The following CENPQ variants were observed in gnomAD, a reference collection of about 807,000 sequenced individuals.
The protein encoded by CENPQ is chromosome 6 open reading frame 139.
In CENPQ, 27 loss-of-function variants were observed where a neutral mutation model predicts 36.6. The ratio of observed to expected loss-of-function variants is 0.74; its 90% CI spans 0.54 to 1.02. The LOEUF (loss-of-function observed/expected upper bound fraction) is 1.02, where lower values mean the gene tolerates loss of function less well. Among genes scored for constraint, CENPQ ranks in the 50% least tolerant of loss-of-function variants. The pLI, the probability that CENPQ is intolerant of heterozygous loss-of-function variation, is 0.00. For missense variants in CENPQ, 306 were observed against 301.8 expected (o/e 1.01, Z -0.10); for synonymous variants, 101 against 101.7 (o/e 0.99, Z 0.04).
intron 1 of CENPQ, among the ~76,000 whole-genome samples, chr6:49,465,129 A>G (rs1231675510): frequency 1.3e-5 from 2 of 152,234 alleles, no homozygotes; most frequent in South Asian, 2.1e-4. Context: ...AGACATGAAA[A>G]CAGCATTAAT....
chr6:49,477,534 T>C (rs1336190127), intron 5 of CENPQ, among the ~76,000 whole-genome samples: 1 of 151,524 alleles, frequency 6.6e-6, no homozygotes. Flanking sequence ...CCTGCACAGT[T>C]GTGCACATGT....
intron 8 of CENPQ, among the ~76,000 whole-genome samples, chr6:49,490,099 T>C (rs558401465): frequency 6.6e-6 from 1 of 152,348 alleles, no homozygotes; most frequent in Admixed American, 6.5e-5. Flanking sequence ...AAGCCAGGCA[T>C]TGCCTTCTCT....
At position 49,488,645 on chromosome 6, in the gene CENPQ, G is replaced by A. The variant is rs542704670; in HGVS notation, c.636G>A (p.Pro212=). 5.6e-5 allele frequency: 91 copies of A among 1,613,458 alleles called. No homozygotes were observed. In the East Asian group the frequency reaches 1.5e-3, roughly 27 times the overall value. The change falls in exon 8 of 9, where the codon CCG becomes CCA. Residue 212 remains proline (P), a synonymous_variant. Coordinates refer to ENST00000335783, the MANE Select transcript of CENPQ (RefSeq NM_018132.4). Reference sequence around the variant, plus strand: ...ATAGTAGTGGAGTACTCTCTCTTCCGGAACTTTCTCAGAAAACTCTCAAAG... The same window carrying A: ...ATAGTAGTGGAGTACTCTCTCTTCCAGAACTTTCTCAGAAAACTCTCAAAG... ...QINSSGVLSL[P]ELSQKTLKAP...
At chr6:49,473,588 G>A (rs556048405) in intron 5 of CENPQ, among the ~76,000 whole-genome samples, 3 of 152,214 alleles carry the variant, frequency 2.0e-5, no homozygotes, top group Non-Finnish European at 2.9e-5. Context: ...AAAGACCATC[G>A]ATGCTAGGAA....
chr6:49,478,274 C>A (rs572885411), intron 5 of CENPQ, among the ~76,000 whole-genome samples: 1 of 152,216 alleles, frequency 6.6e-6, no homozygotes, highest in Non-Finnish European at 1.5e-5. Context: ...ATAAAAGTAA[C>A]CTATGGTGAA....
intron 6 of CENPQ, among the ~76,000 whole-genome samples, chr6:49,482,115 G>A (rs564519443): frequency 1.1e-4 from 17 of 152,256 alleles, no homozygotes; most frequent in African/African-American, 3.4e-4. Flanking sequence ...CAGCTGCTCC[G>A]AGTGTGGGGC....
intron 3 of CENPQ, among the ~76,000 whole-genome samples, chr6:49,471,281 G>T (rs573454911): frequency 1.3e-5 from 2 of 152,180 alleles, no homozygotes; most frequent in Non-Finnish European, 2.9e-5. Context: ...ACTCAAAGTG[G>T]CCCACAGCCT....
At chr6:49,481,994 C>G (rs1017342088) in intron 6 of CENPQ, among the ~76,000 whole-genome samples, 15 of 152,294 alleles carry the variant, frequency 9.8e-5, no homozygotes, top group South Asian at 2.1e-4. Flanking sequence ...GGCCCGGCGA[C>G]AAATTGAGCG....
chr6:49,480,498 C>G (rs756024347), intron 5 of CENPQ, among the ~76,000 whole-genome samples: 8 of 152,096 alleles, frequency 5.3e-5, no homozygotes, highest in Non-Finnish European at 1.0e-4. Context: ...TAATGTAAAT[C>G]TTCTCTATTT....
At position 49,473,351 on chromosome 6, in the gene CENPQ, C is replaced by G. The variant is rs554914673; in HGVS notation, c.347+493C>G. Among the ~76,000 whole-genome samples the G allele has an allele frequency of 4.6e-5, 7 of 152,230 alleles. No homozygotes were observed. In the South Asian group the frequency reaches 1.5e-3, roughly 32 times the overall value. On this transcript the variant is annotated intron_variant, in intron 5 of 8. Coordinates refer to ENST00000335783, the MANE Select transcript of CENPQ (RefSeq NM_018132.4). ...TCTCAGGAGTTCTTAAAAGGCACAC[C>G]ACTGCCTGTGATTTTCAATAATTAC...
At chr6:49,468,328 C>A (rs879746093) in intron 1 of CENPQ, among the ~76,000 whole-genome samples, 1 of 151,964 alleles carries the variant, frequency 6.6e-6, no homozygotes, top group Non-Finnish European at 1.5e-5. Context: ...CTCAGTGGCT[C>A]ACGCCTGTAA....
rs1377097804 is a variant in CENPQ, at chr6:49,488,597, T to G, written c.598-10T>G. 1.9e-6 allele frequency: 3 copies of G among 1,610,798 alleles called. No homozygotes were observed. The highest frequency in any genetic ancestry group is 1.7e-6 in the Non-Finnish European group (2 of 1,177,444). On this transcript the variant is annotated splice_polypyrimidine_tract_variant and intron_variant, in intron 7 of 8. Transcript: ENST00000335783. Reference sequence around the variant, plus strand: ...TTTTTGAAATAATCTGTAGCTTTCTTCTACTTTAGATGCATCAAATAAATA... The same window carrying G: ...TTTTTGAAATAATCTGTAGCTTTCTGCTACTTTAGATGCATCAAATAAATA...
At chr6:49,466,713 A>G (rs998552276) in intron 1 of CENPQ, among the ~76,000 whole-genome samples, 8 of 152,236 alleles carry the variant, frequency 5.3e-5, no homozygotes, top group African/African-American at 1.9e-4. Flanking sequence ...GATTCTTACT[A>G]TGTCTCAAAT....
chr6:49,482,867 C>T (rs868612571), intron 6 of CENPQ, among the ~76,000 whole-genome samples: 11 of 152,152 alleles, frequency 7.2e-5, no homozygotes, highest in Middle Eastern at 3.4e-3. Flanking sequence ...TTCGTGGTCT[C>T]GCTGGCTCAG....
Position 49,492,132 on chromosome 6 carries a change from T to C in CENPQ, c.676-12T>C, listed in dbSNP as rs368142907. The C allele has an allele frequency of 4.0e-5, 63 of 1,590,950 alleles. No individual in the cohort carries two copies. The highest frequency in any genetic ancestry group is 5.4e-5 in the Non-Finnish European group (63 of 1,170,194). ...ATGTTAACAACTACATTTAATACTATCTTTCCCACAGAAAGAAATTTTGGC... is the reference window on the plus strand; with the variant it reads ...ATGTTAACAACTACATTTAATACTACCTTTCCCACAGAAAGAAATTTTGGC... On this transcript the variant is annotated splice_polypyrimidine_tract_variant and intron_variant, in intron 8 of 8. Transcript: ENST00000335783.
At chr6:49,491,723 C>T (rs1768725825) in intron 8 of CENPQ, among the ~76,000 whole-genome samples, 1 of 152,136 alleles carries the variant, frequency 6.6e-6, no homozygotes, top group African/African-American at 2.4e-5. Flanking sequence ...CGAGAACAGC[C>T]TGACCAACAT....
At chr6:49,476,402 T>C (rs13201041) in intron 5 of CENPQ, among the ~76,000 whole-genome samples, 27 of 152,202 alleles carry the variant, frequency 1.8e-4, no homozygotes, top group African/African-American at 6.3e-4. Flanking sequence ...CCCTTCCTTA[T>C]ACCTTATACA....
rs1166856973 is a variant in CENPQ at position 49,471,467 on chromosome 6, C to A, written c.157+439C>A. Among the ~76,000 whole-genome samples the A allele has an allele frequency of 2.6e-5, 4 of 152,130 alleles. No individual in the cohort carries two copies. The South Asian group carries it at 8.3e-4, about 31-fold the overall frequency. On this transcript the variant is annotated intron_variant, in intron 3 of 8. Transcript: ENST00000335783. ...CACTGTTTCATGGAAGGATTCTCTA[C>A]GTCTCCTCAGCCAACACTAGGTTAG...
At chr6:49,491,328 T>C (rs1157975937) in intron 8 of CENPQ, among the ~76,000 whole-genome samples, 1 of 152,230 alleles carries the variant, frequency 6.6e-6, no homozygotes, top group Non-Finnish European at 1.5e-5. Context: ...GGAGGTCATA[T>C]AATTTGTAAA....
Sources: allele counts gnomAD v4.1 joint callset (sites outside exome capture counted in the v4.1 genomes callset), GRCh38; gene constraint gnomAD v4.1.1; transcripts MANE v1.5; gene names NCBI Gene and HGNC (gene_info 2026-07-23, HGNC 2026-07-21).